The following TMEM184A variants were observed in gnomAD, a reference collection of about 807,000 sequenced individuals.
TMEM184A encodes sexually dimorphic, expressed in male gonads 1.
TMEM184A carries 40 observed loss-of-function variants against 39.5 expected under a neutral mutation model. The observed-to-expected ratio is 1.01, with a 90% confidence interval of 0.79 to 1.32. TMEM184A has a LOEUF of 1.32. Ranked by LOEUF, TMEM184A falls within the 40% of genes most tolerant of loss-of-function variation. The pLI, the probability that TMEM184A is intolerant of heterozygous loss-of-function variation, is 0.00. For missense variants in TMEM184A, 603 were observed against 568.8 expected (o/e 1.06, Z -0.61); for synonymous variants, 280 against 252.3 (o/e 1.11, Z -1.04).
intron 2 of TMEM184A, among the ~76,000 whole-genome samples, chr7:1,553,803 T>C (rs950421622): frequency 6.6e-6 from 1 of 152,012 alleles, no homozygotes; most frequent in Non-Finnish European, 1.5e-5. Context: ...CTCCCATGTA[T>C]AAAGTGAGGG....
chr7:1,542,243 T>G lies in TMEM184A; in HGVS notation c.*4709A>C, dbSNP rs1190933723. 6.6e-6 allele frequency: 1 copy of G among 152,602 alleles called. No homozygotes were observed. Among genetic ancestry groups the G allele is most frequent in the South Asian group, 2.1e-4 (1 of 4,836 alleles). The allele number at this position is 152,602 out of a possible 1,614,324, so 9.5% of individuals were successfully genotyped here. A position where few individuals can be genotyped will look rare whatever the true frequency, so the allele number is the denominator to read the frequency against. Reference sequence around the variant, plus strand: ...GAGAAACAGAAAATATATAGAGATATAAAATTATATTCACAGTTTATCTAC... The same window carrying G: ...GAGAAACAGAAAATATATAGAGATAGAAAATTATATTCACAGTTTATCTAC... On this transcript the variant is annotated 3_prime_UTR_variant, in exon 9 of 9. Transcript: ENST00000297477.
At chr7:1,552,508 GTTT>G (rs5881901) in intron 2 of TMEM184A, among the ~76,000 whole-genome samples, 6 of 135,664 alleles carry the variant, frequency 4.4e-5, no homozygotes, top group African/African-American at 1.7e-4. Flanking sequence ...TGTACAATAG[GTTT>G]TTTTTTTTTT....
At chr7:1,551,148 T>G (rs1583220796) in intron 2 of TMEM184A, among the ~76,000 whole-genome samples, 166 bp from the exon 3 acceptor site, 2 of 48,872 alleles carry the variant, frequency 4.1e-5, no homozygotes, top group Non-Finnish European at 3.9e-5. Flanking sequence ...GAGGTGGGGG[T>G]GGGCGCAGGA....
chr7:1,547,117 G>C lies in TMEM184A; in HGVS notation c.1077C>G (p.Ile359Met), dbSNP rs769928158. The change falls in exon 9 of 9, where the codon ATC becomes ATG. Residue 359 changes from isoleucine to methionine, a missense_variant. Coordinates refer to ENST00000297477, the MANE Select transcript of TMEM184A (RefSeq NM_001097620.2). ...GIRETVSPQD[I>M]VQDAIHNFSP... ...AGAAGTTGTGGATGGCGTCCTGCACGATGTCCTGGGGGCTCACTGTCTCCC... is the reference window on the plus strand; with the variant it reads ...AGAAGTTGTGGATGGCGTCCTGCACCATGTCCTGGGGGCTCACTGTCTCCC... 1.9e-6 allele frequency: 3 copies of C among 1,609,966 alleles called. No individual in the cohort carries two copies. Among genetic ancestry groups the C allele is most frequent in the African/African-American group, 1.3e-5 (1 of 74,888 alleles).
At chr7:1,549,218 G>A (rs541398154) in intron 6 of TMEM184A, 1 of 455,560 alleles carries the variant, frequency 2.2e-6, no homozygotes, top group South Asian at 1.6e-5. Context: ...CTGTGTGCAT[G>A]TGTGAACATG....
intron 2 of TMEM184A, among the ~76,000 whole-genome samples, chr7:1,553,577 G>A (rs1035990525): frequency 5.9e-5 from 9 of 152,200 alleles, no homozygotes; most frequent in Non-Finnish European, 1.3e-4. Context: ...GTGCATGCGT[G>A]GCGGTGGGCG....
chr7:1,544,237 G>C lies in TMEM184A; in HGVS notation c.*2715C>G, dbSNP rs1253824010. 6.6e-6 allele frequency: 1 copy of C among 152,236 alleles called. No individual in the cohort carries two copies. The highest frequency in any genetic ancestry group is 2.4e-5 in the African/African-American group (1 of 41,432). The allele number at this position is 152,236 out of a possible 1,614,324, so 9.4% of individuals were successfully genotyped here. On this transcript the variant is annotated 3_prime_UTR_variant, in exon 9 of 9. Coordinates refer to ENST00000297477, the MANE Select transcript of TMEM184A (RefSeq NM_001097620.2). ...AGCCCCAGCCCTGTGTGGGGCTCCT[G>C]GAGGCTGCGGACAGACGGGGAAGCT...
Position 1,548,567 on chromosome 7 carries a change from G to A in TMEM184A, c.766C>T (p.Leu256Phe). Residue 256 changes from leucine (L) to phenylalanine (F), a missense_variant, in exon 7 of 9, where the codon CTC becomes TTC. By Grantham distance (22) the Leu-to-Phe change is conservative. Coordinates refer to ENST00000297477, the MANE Select transcript of TMEM184A (RefSeq NM_001097620.2). ...RELLRPFQPV[L>F]KFLTIKAVIF... Reference sequence around the variant, plus strand: ...ACGGCTTTGATGGTGAGGAACTTGAGGACGGGCTGGAAGGGCCGCAGGAGC... The same window carrying A: ...ACGGCTTTGATGGTGAGGAACTTGAAGACGGGCTGGAAGGGCCGCAGGAGC... 8 of 1,613,830 alleles carry A rather than the reference G, an allele frequency of 5.0e-6. No individual in the cohort carries two copies. Among genetic ancestry groups the A allele is most frequent in the Non-Finnish European group, 6.8e-6 (8 of 1,179,968 alleles).
At chr7:1,549,363 T>A in intron 6 of TMEM184A, 1 of 393,610 alleles carries the variant, frequency 2.5e-6, no homozygotes, top group Admixed American at 2.8e-5. Flanking sequence ...TTCGCAGGGG[T>A]CCTCCTTGTG....
At chr7:1,554,844 T>C (rs1179239579) in intron 2 of TMEM184A, among the ~76,000 whole-genome samples, 3 of 152,002 alleles carry the variant, frequency 2.0e-5, no homozygotes, top group Non-Finnish European at 4.4e-5. Flanking sequence ...CAGAGCAAAG[T>C]CCAACCCCCT....
At chr7:1,548,826 G>C in intron 6 of TMEM184A, 138 bp from the exon 7 acceptor site, 2 of 1,030,622 alleles carry the variant, frequency 1.9e-6, no homozygotes, top group East Asian at 2.6e-5. Flanking sequence ...ATCCTGCCCC[G>C]ATCTGATCCT....
chr7:1,555,954 C>G lies in TMEM184A; in HGVS notation c.-1+160G>C, dbSNP rs1340003463. ...TCACTGGCTCTGGGACCTGTCCACCCACCTGGGAGCCCGGCTTTGCTGGGG... is the reference window on the plus strand; with the variant it reads ...TCACTGGCTCTGGGACCTGTCCACCGACCTGGGAGCCCGGCTTTGCTGGGG... On this transcript the variant is annotated intron_variant, in intron 1 of 8. Transcript: ENST00000297477. This position sits in a 1 kb window ranked among gnomAD's most constrained non-coding sequence, Gnocchi z 5.2. The G allele has an allele frequency of 4.7e-6, 1 of 214,166 alleles. No homozygotes were observed. Among genetic ancestry groups the G allele is most frequent in the African/African-American group, 2.4e-5 (1 of 41,770 alleles). 13.3% of individuals were successfully genotyped at this position (214,166 alleles called of 1,614,324 possible). A position where few individuals can be genotyped will look rare whatever the true frequency, so the allele number is the denominator to read the frequency against.
rs1338988796 is a variant in TMEM184A, at chr7:1,549,939, G to T, written c.559C>A (p.Leu187Met). The change falls in exon 6 of 9, where the codon CTG becomes ATG. Residue 187 changes from leucine to methionine, a missense_variant. Leu to Met is a conservative substitution (Grantham distance 15). Transcript: ENST00000297477. ...GFLRFCKQAT[L>M]QFCLVKPVMA... ...ACGGGCTTCACCAGGCAGAACTGCAGAGTGGCCTGGGGGCGACGGCACCCG... is the reference window on the plus strand; with the variant it reads ...ACGGGCTTCACCAGGCAGAACTGCATAGTGGCCTGGGGGCGACGGCACCCG... 1.2e-6 allele frequency: 2 copies of T among 1,612,730 alleles called. No individual in the cohort carries two copies. The highest frequency in any genetic ancestry group is 4.5e-5 in the East Asian group (2 of 44,868).
chr7:1,546,912 GGCAGCCT>G lies in TMEM184A; in HGVS notation c.*33_*39del. On this transcript the variant is annotated 3_prime_UTR_variant, in exon 9 of 9. Transcript: ENST00000297477. ...GACCCTGTTCTTCCCCAGAGGCCTGGGCAGCCTGGGTCCCTACAGCACTGGCAGCCCA... is the reference window on the plus strand; with the variant it reads ...GACCCTGTTCTTCCCCAGAGGCCTGGGGGTCCCTACAGCACTGGCAGCCCA... 7.2e-7 allele frequency: 1 copy of G among 1,385,318 alleles called. No individual in the cohort carries two copies. The highest frequency in any genetic ancestry group is 9.6e-7 in the Non-Finnish European group (1 of 1,041,390). The allele number at this position is 1,385,318 out of a possible 1,614,324, so 85.8% of individuals were successfully genotyped here. A position where few individuals can be genotyped will look rare whatever the true frequency, so the allele number is the denominator to read the frequency against.
In TMEM184A at chr7:1,555,120, G is replaced by A. The variant is rs1367771599; in HGVS notation, c.219+146C>T. 19 of 640,504 alleles carry A rather than the reference G, an allele frequency of 3.0e-5. No individual in the cohort carries two copies. Among genetic ancestry groups the A allele is most frequent in the Non-Finnish European group, 4.6e-5 (18 of 391,110 alleles). The allele number at this position is 640,504 out of a possible 1,614,324, so 39.7% of individuals were successfully genotyped here. A position where few individuals can be genotyped will look rare whatever the true frequency, so the allele number is the denominator to read the frequency against. On this transcript the variant is annotated intron_variant, in intron 2 of 8. Coordinates refer to ENST00000297477, the MANE Select transcript of TMEM184A (RefSeq NM_001097620.2). This position sits in a 1 kb window ranked among gnomAD's most constrained non-coding sequence, Gnocchi z 5.2. ...CCAGCTCCCACATGCCACATCCTGG[G>A]GAAGCTCATCCCCTCCCCCGTGCCC...
In TMEM184A at chr7:1,546,935, T is replaced by C. The variant is rs765188277; in HGVS notation, c.*17A>G. On this transcript the variant is annotated 3_prime_UTR_variant, in exon 9 of 9. Coordinates refer to ENST00000297477, the MANE Select transcript of TMEM184A (RefSeq NM_001097620.2). ...TGGGCAGCCTGGGTCCCTACAGCAC[T>C]GGCAGCCCAGGCCCCCCTACAGGTC... 19 of 1,510,668 alleles carry C rather than the reference T, an allele frequency of 1.3e-5. No individual in the cohort carries two copies. The South Asian group carries it at 1.9e-4, about 15-fold the overall frequency. The allele number at this position is 1,510,668 out of a possible 1,614,324, so 93.6% of individuals were successfully genotyped here.
Position 1,550,963 on chromosome 7 carries a change from G to A in TMEM184A, c.239C>T (p.Ser80Phe). 6.2e-7 allele frequency: 1 copy of A among 1,613,134 alleles called. No individual in the cohort carries two copies. Among genetic ancestry groups the A allele is most frequent in the African/African-American group, 1.3e-5 (1 of 75,010 alleles). ...TCHQIYLHLR[S>F]YTVPQEQRYI... Reference sequence around the variant, plus strand: ...ACGTTGCTCCTGTGGCACGGTGTAGGAGCGCAGGTGCAGATAGATCTGGGC... The same window carrying A: ...ACGTTGCTCCTGTGGCACGGTGTAGAAGCGCAGGTGCAGATAGATCTGGGC... Residue 80 changes from serine (S) to phenylalanine (F), a missense_variant, in exon 3 of 9, where the codon TCC becomes TTC. Ser to Phe is a radical substitution (Grantham distance 155). Transcript: ENST00000297477.
rs1784309188 is a variant in TMEM184A, at chr7:1,545,379, G to C, written c.*1573C>G. ...AGAGGCTGGGAGCTGGCCCTCTCTA[G>C]CCCGGACTCCACTGGTCTGTGCCCG... On this transcript the variant is annotated 3_prime_UTR_variant, in exon 9 of 9. Coordinates refer to ENST00000297477, the MANE Select transcript of TMEM184A (RefSeq NM_001097620.2). 6.5e-6 allele frequency: 1 copy of C among 152,768 alleles called. No homozygotes were observed. Among genetic ancestry groups the C allele is most frequent in the Admixed American group, 6.5e-5 (1 of 15,284 alleles). 9.5% of individuals were successfully genotyped at this position (152,768 alleles called of 1,614,324 possible).
chr7:1,553,858 G>A (rs915434361), intron 2 of TMEM184A, among the ~76,000 whole-genome samples: 15 of 152,208 alleles, frequency 9.9e-5, no homozygotes, highest in African/African-American at 2.4e-4. Flanking sequence ...TCACTCAAGG[G>A]TGACTCTGGC....
Sources: gnomAD v4.1 joint callset for allele counts (sites outside exome capture counted in the v4.1 genomes callset) on GRCh38, gnomAD v4.1.1 for gene constraint, Gnocchi (gnomAD v3.1) non-coding constraint, MANE v1.5 for transcripts, NCBI Gene and HGNC (gene_info 2026-07-23, HGNC 2026-07-21) for gene names.